SPG7: variants seen among roughly 807,000 people sequenced by gnomAD.
The protein encoded by SPG7 is SPG7 matrix AAA peptidase subunit, paraplegin.
A neutral mutation model predicts 81.9 loss-of-function variants in SPG7; 103 were observed. The ratio of observed to expected loss-of-function variants is 1.26; its 90% CI spans 1.07 to 1.48. The LOEUF is 1.48. Ranked by LOEUF, SPG7 falls within the 40% of genes most tolerant of loss-of-function variation. SPG7 has a pLI of 0.00. For missense variants in SPG7, 1,241 were observed against 1,087.3 expected (o/e 1.14, Z -1.99); for synonymous variants, 534 against 444.2 (o/e 1.20, Z -2.54).
At chr16:89,529,787 A>G in intron 6 of SPG7, 2 of 627,496 alleles carry the variant, frequency 3.2e-6, no homozygotes, top group Non-Finnish European at 5.8e-6. Flanking sequence ...TCTCACCCCT[A>G]ACTCTGGGGT....
intron 13 of SPG7, 121 bp from the exon 14 acceptor site, chr16:89,552,858 C>G (rs1481338023): frequency 7.8e-6 from 7 of 897,394 alleles, no homozygotes; most frequent in Non-Finnish European, 1.2e-5. Flanking sequence ...GTAGAGGATG[C>G]TGCACATTTG....
At chr16:89,552,241 T>G (rs2058642306) in intron 13 of SPG7, 1 of 152,614 alleles carries the variant, frequency 6.6e-6, no homozygotes, top group African/African-American at 2.4e-5. Context: ...TTATATTTTT[T>G]GTAGCGAAGG....
At chr16:89,540,264 G>A (rs980430129) in intron 9 of SPG7, 7 of 152,066 alleles carry the variant, frequency 4.6e-5, no homozygotes. Context: ...ATTTTGATAG[G>A]AACACACACC....
intron 4 of SPG7, among the ~76,000 whole-genome samples, chr16:89,524,764 T>G (rs2058239140): frequency 6.6e-6 from 1 of 151,984 alleles, no homozygotes; most frequent in Non-Finnish European, 1.5e-5. Flanking sequence ...AACTTTAGAT[T>G]CCAAGAGTGC....
intron 2 of SPG7, among the ~76,000 whole-genome samples, chr16:89,511,646 G>C (rs1197313458): frequency 6.6e-6 from 1 of 152,188 alleles, no homozygotes; most frequent in Non-Finnish European, 1.5e-5. Flanking sequence ...GTGGCAACCG[G>C]GGCCGTTTCA....
Position 89,532,646 on chromosome 16 carries a change from C to G in SPG7, c.1324+10C>G. The G allele has an allele frequency of 6.2e-7, 1 of 1,612,998 alleles. No homozygotes were observed. On this transcript the variant is annotated intron_variant, in intron 9 of 16. Coordinates refer to ENST00000645818, the MANE Select transcript of SPG7 (RefSeq NM_003119.4). ...CTGGTAGAAATGGATGGTCAGTGCT[C>G]GTGCGCCCCGCACCCCCATTGCACC...
At position 89,510,486 on chromosome 16, in the gene SPG7, TCAGA is replaced by T; in HGVS notation, c.184-3_184del. The T allele has an allele frequency of 1.3e-6, 2 of 1,534,822 alleles. No individual in the cohort carries two copies. The highest frequency in any genetic ancestry group is 9.0e-7 in the Non-Finnish European group (1 of 1,115,568). ...CTCCAGTATTGTTTTTTTTTTTTTT[TCAGA>T]GCTTACAATTGAGACTGCTAACCCC... On this transcript the variant is annotated splice_acceptor_variant and splice_polypyrimidine_tract_variant and coding_sequence_variant and intron_variant, in exon 2 of 17. Transcript: ENST00000645818. LOFTEE classifies it high-confidence loss of function.
In SPG7 at chr16:89,557,277, A is replaced by G; in HGVS notation, c.*184A>G. On this transcript the variant is annotated 3_prime_UTR_variant, in exon 17 of 17. Transcript: ENST00000645818. ...GATTTTAAGTTTCTCTGCAGAAACT[A>G]CTGACGGAGTCCTGTGTTTGTGAGT... 1.7e-6 allele frequency: 1 copy of G among 602,498 alleles called. No homozygotes were observed. Among genetic ancestry groups the G allele is most frequent in the South Asian group, 2.0e-5 (1 of 50,746 alleles). The allele number at this position is 602,498 out of a possible 1,614,324, so 37.3% of individuals were successfully genotyped here.
rs781536426 is a variant in SPG7 at position 89,508,612 on chromosome 16, C to A, written c.183+12C>A. 3.4e-6 allele frequency: 5 copies of A among 1,449,754 alleles called. No individual in the cohort carries two copies. The South Asian group carries it at 5.5e-5, about 16-fold the overall frequency. The allele number at this position is 1,449,754 out of a possible 1,614,324, so 89.8% of individuals were successfully genotyped here. A position where few individuals can be genotyped will look rare whatever the true frequency, so the allele number is the denominator to read the frequency against. On this transcript the variant is annotated intron_variant, in intron 1 of 16. Transcript: ENST00000645818. The stretch of plus-strand genomic sequence containing the variant: ...GCCGAGCTCTGCAGGTAAATCCCCG[C>A]GGAGTCCGGGCCCCACCTCCCGCCC...
At chr16:89,537,088 C>G in intron 9 of SPG7, 1 of 1,529,962 alleles carries the variant, frequency 6.5e-7, no homozygotes, top group Non-Finnish European at 8.7e-7. Context: ...TAAACAAGTC[C>G]CTTTATGCAG....
chr16:89,548,597 ACT>A, intron 12 of SPG7: 2 of 311,528 alleles, frequency 6.4e-6, no homozygotes, highest in Non-Finnish European at 1.3e-5. Flanking sequence ...CTCTGGTGAA[ACT>A]CATGGTCCCG....
chr16:89,537,899 A>G (rs2058447405), intron 9 of SPG7: 5 of 497,368 alleles, frequency 1.0e-5, no homozygotes, highest in Non-Finnish European at 1.3e-5. Flanking sequence ...GGAGCCGTGG[A>G]CTGCCTGCCA....
At chr16:89,519,784 C>T (rs1461855785) in intron 3 of SPG7, 1 of 152,256 alleles carries the variant, frequency 6.6e-6, no homozygotes, top group Admixed American at 6.5e-5. Context: ...GGCCTCTCCT[C>T]TGTCAGGGTC....
intron 9 of SPG7, chr16:89,539,887 C>T (rs2058473593): frequency 6.6e-6 from 1 of 152,096 alleles, no homozygotes; most frequent in Admixed American, 6.5e-5. Flanking sequence ...TCATGGGTAT[C>T]TTATAGAAGT....
Position 89,508,563 on chromosome 16 carries a change from C to CA in SPG7, c.146_147insA (p.Asp51GlyfsTer23). On this transcript the variant is annotated frameshift_variant, in exon 1 of 17. Transcript: ENST00000645818. LOFTEE classifies it high-confidence loss of function. Reference sequence around the variant, plus strand: ...CGGCCGTACATGGCCAGCAGGCCTCCGGGGGACCTCGCCGAGGCTGGAGGC... The same window carrying CA: ...CGGCCGTACATGGCCAGCAGGCCTCCAGGGGGACCTCGCCGAGGCTGGAGGC... 3 of 1,495,172 alleles carry CA rather than the reference C, an allele frequency of 2.0e-6. No individual in the cohort carries two copies. The highest frequency in any genetic ancestry group is 1.8e-6 in the Non-Finnish European group (2 of 1,128,140). The allele number at this position is 1,495,172 out of a possible 1,614,324, so 92.6% of individuals were successfully genotyped here.
In SPG7 at chr16:89,510,395, A is replaced by G. The variant is rs144296955; in HGVS notation, c.184-95A>G. 159 of 717,388 alleles carry G rather than the reference A, an allele frequency of 2.2e-4. 1 individual carries two copies. The African/African-American group carries it at 2.4e-3, about 11-fold the overall frequency. The allele number at this position is 717,388 out of a possible 1,614,324, so 44.4% of individuals were successfully genotyped here. On this transcript the variant is annotated intron_variant, in intron 1 of 16. Coordinates refer to ENST00000645818, the MANE Select transcript of SPG7 (RefSeq NM_003119.4). ...CAATGTAGATATTACAAATAATTAT[A>G]TATTTGAACTTTTAAAAACGATTTT...
intron 9 of SPG7, chr16:89,533,196 C>G (rs576448934): frequency 1.7e-4 from 28 of 160,324 alleles, no homozygotes; most frequent in Non-Finnish European, 3.3e-4. Flanking sequence ...TTTAGATAGT[C>G]TTGCTCTCTC....
intron 10 of SPG7, 149 bp downstream of exon 10, chr16:89,544,921 G>A (rs931770926): frequency 5.5e-5 from 51 of 930,764 alleles, no homozygotes; most frequent in African/African-American, 5.4e-4. Flanking sequence ...CCCCCGCATC[G>A]GCTGCACGCC....
intron 2 of SPG7, among the ~76,000 whole-genome samples, chr16:89,512,324 A>G (rs576541204): frequency 6.7e-6 from 1 of 148,262 alleles, no homozygotes; most frequent in East Asian, 2.0e-4. Flanking sequence ...CTTGTCTGGA[A>G]ACCATTTGTG....
Sources: allele counts gnomAD v4.1 joint callset (sites outside exome capture counted in the v4.1 genomes callset), GRCh38; gene constraint gnomAD v4.1.1; transcripts MANE v1.5; gene names NCBI Gene and HGNC (gene_info 2026-07-23, HGNC 2026-07-21).